The following PDE12 variants were observed in gnomAD, a reference collection of about 807,000 sequenced individuals.
The protein encoded by PDE12 is 2',5'-phosphodiesterase 12.
A neutral mutation model predicts 45.4 loss-of-function variants in PDE12; 26 were observed. The ratio of observed to expected loss-of-function variants is 0.57; its 90% confidence interval spans 0.42 to 0.79. PDE12 has a LOEUF of 0.79. Among genes scored for constraint, PDE12 ranks in the 30% least tolerant of loss-of-function variants. The pLI, the probability that PDE12 is intolerant of heterozygous loss-of-function variation, is 0.00. For synonymous variants in PDE12, 283 were observed against 323.9 expected, an observed-to-expected ratio of 0.87 and a Z score of 1.36; for missense variants, 668 against 790.0, an observed-to-expected ratio of 0.85 and a Z score of 1.85.
the PDE12 span, chr3:57,577,250 AACC>A: frequency 7.5e-7 from 1 of 1,335,080 alleles, no homozygotes; most frequent in Non-Finnish European, 1.1e-6. Context: ...AAATGTACTA[AACC>A]ACCACCAGTT....
chr3:57,611,308 A>C, the PDE12 span, among the ~76,000 whole-genome samples: 1 of 152,200 alleles, frequency 6.6e-6, no homozygotes, highest in Non-Finnish European at 1.5e-5. Context: ...AATACCATTC[A>C]GGACATAGGC....
the PDE12 span, among the ~76,000 whole-genome samples, chr3:57,639,033 G>A: frequency 6.6e-6 from 1 of 152,158 alleles, no homozygotes; most frequent in African/African-American, 2.4e-5. Context: ...AGGAGTTCAA[G>A]GTTACAGTGA....
chr3:57,560,390 A>G lies in PDE12; in HGVS notation c.*386A>G, dbSNP rs2069715740. The G allele has an allele frequency of 2.5e-6, 2 of 787,458 alleles. No individual in the cohort carries two copies. The highest frequency in any genetic ancestry group is 5.5e-5 in the Admixed American group (1 of 18,312). The allele number at this position is 787,458 out of a possible 1,614,324, so 48.8% of individuals were successfully genotyped here. On this transcript the variant is annotated 3_prime_UTR_variant, in exon 3 of 3. Coordinates refer to ENST00000311180, the MANE Select transcript of PDE12 (RefSeq NM_177966.7). ...GCCCAGGCTGGAGTGCAATGGCACA[A>G]TCTCGGCTCACTGCAACCTCCGCCC...
the PDE12 span, among the ~76,000 whole-genome samples, chr3:57,635,340 G>A: frequency 6.6e-6 from 1 of 152,172 alleles, no homozygotes; most frequent in Non-Finnish European, 1.5e-5. Flanking sequence ...CAGGACTCCT[G>A]AGCAGGCTGC....
chr3:57,577,464 G>T, the PDE12 span: 1 of 1,116,006 alleles, frequency 9.0e-7, no homozygotes, highest in Non-Finnish European at 1.3e-6. Context: ...CAGCAAAATG[G>T]TACCAATGGT....
chr3:57,578,268 T>C, the PDE12 span, among the ~76,000 whole-genome samples: 1 of 150,620 alleles, frequency 6.6e-6, no homozygotes. Context: ...GCAAGAAAAA[T>C]CCAAGACTGG....
At chr3:57,627,424 G>C in the PDE12 span, 1 of 152,148 alleles carries the variant, frequency 6.6e-6, no homozygotes, top group Non-Finnish European at 1.5e-5. Context: ...GATTACAGGC[G>C]TGAGCCACCA....
intron 1 of PDE12, among the ~76,000 whole-genome samples, chr3:57,558,234 A>T (rs760905290): frequency 6.6e-6 from 1 of 152,180 alleles, no homozygotes; most frequent in Non-Finnish European, 1.5e-5. Flanking sequence ...AAGGTGTTTC[A>T]TGCACCTTAT....
At chr3:57,559,160 G>C (rs2069698736) in intron 1 of PDE12, 150 bp from the exon 2 acceptor site, 1 of 597,602 alleles carries the variant, frequency 1.7e-6, no homozygotes, top group Non-Finnish European at 2.9e-6. Context: ...GGCGGAGCTT[G>C]CAGTGAGCCG....
the PDE12 span, among the ~76,000 whole-genome samples, chr3:57,636,656 G>C: frequency 3.2e-4 from 49 of 152,258 alleles, no homozygotes; most frequent in Admixed American, 1.1e-3. Context: ...TAAAAAGTTG[G>C]CCGGGCGTGG....
At chr3:57,603,479 A>G in the PDE12 span, among the ~76,000 whole-genome samples, 1 of 152,028 alleles carries the variant, frequency 6.6e-6, no homozygotes, top group African/African-American at 2.4e-5. Context: ...CTGGGACTAC[A>G]GGCATGAGCC....
chr3:57,628,479 A>G, the PDE12 span: 1 of 1,281,760 alleles, frequency 7.8e-7, no homozygotes, highest in Non-Finnish European at 1.0e-6. Context: ...TACAGAAACT[A>G]AAAAAGCAAG....
chr3:57,594,890 C>T, the PDE12 span, among the ~76,000 whole-genome samples: 1 of 152,126 alleles, frequency 6.6e-6, no homozygotes, highest in African/African-American at 2.4e-5. Flanking sequence ...CACCTTTTTC[C>T]CTGTTCATGC....
the PDE12 span, among the ~76,000 whole-genome samples, chr3:57,653,517 G>A: frequency 4.9e-3 from 751 of 151,976 alleles, 4 homozygotes; most frequent in African/African-American, 0.017. Context: ...AGGCTGAGGC[G>A]GGCAGATCGT....
Position 57,557,760 on chromosome 3 carries a change from G to T in PDE12, c.1308+73G>T. On this transcript the variant is annotated intron_variant, in intron 1 of 2. Coordinates refer to ENST00000311180, the MANE Select transcript of PDE12 (RefSeq NM_177966.7). ...GCCAGGAAGGCGAGGAATGAGGTGG[G>T]GGTTAAAAGTGCGATGAAAGTATCC... The T allele has an allele frequency of 2.2e-6, 3 of 1,350,360 alleles. No homozygotes were observed. In the South Asian group the frequency reaches 3.9e-5, roughly 18 times the overall value. The allele number at this position is 1,350,360 out of a possible 1,614,324, so 83.6% of individuals were successfully genotyped here.
chr3:57,626,100 G>A, the PDE12 span: 47 of 152,694 alleles, frequency 3.1e-4, no homozygotes, highest in Admixed American at 6.5e-4. Context: ...AAAGTCAGCT[G>A]TTGTTTCACA....
chr3:57,610,002 C>G, the PDE12 span, among the ~76,000 whole-genome samples: 1 of 152,076 alleles, frequency 6.6e-6, no homozygotes, highest in Admixed American at 6.5e-5. Flanking sequence ...ACTGGCAAAC[C>G]AAATCCAGCA....
chr3:57,558,697 A>G (rs992468803), intron 1 of PDE12, among the ~76,000 whole-genome samples: 1 of 148,952 alleles, frequency 6.7e-6, no homozygotes, highest in Non-Finnish European at 1.5e-5. Flanking sequence ...TCACCATGTT[A>G]GCCAGGATGG....
rs1011624698 is a variant in PDE12 at position 57,559,963 on chromosome 3, T to C, written c.1789T>C (p.Ser597Pro). 6.2e-7 allele frequency: 1 copy of C among 1,612,174 alleles called. No individual in the cohort carries two copies. The change falls in exon 3 of 3, where the codon TCT (serine) becomes CCT (proline). Residue 597 changes from serine to proline, a missense_variant. Ser to Pro is a moderately conservative substitution (Grantham distance 74). Transcript: ENST00000311180. ...HQALPSVSHP[S>P]DHIALVCDLK... ...GGCCTTACCTAGTGTTTCCCATCCC[T>C]CTGATCACATAGCACTTGTATGTGA...
Sources: allele counts gnomAD v4.1 joint callset (sites outside exome capture counted in the v4.1 genomes callset), GRCh38; gene constraint gnomAD v4.1.1; transcripts MANE v1.5; gene names NCBI Gene and HGNC (gene_info 2026-07-23, HGNC 2026-07-21).